TARDBP: variants seen among roughly 807,000 people sequenced by gnomAD.
TARDBP encodes TAR DNA-binding protein 43.
A neutral mutation model predicts 38.3 loss-of-function variants in TARDBP; 4 were observed. That is an observed-to-expected ratio of 0.10 (90% CI 0.05 to 0.24). TARDBP has a LOEUF of 0.24. TARDBP is among the 10% of genes least tolerant of loss of function. TARDBP has a pLI of 1.00. For synonymous variants in TARDBP, 184 were observed against 183.8 expected (o/e 1.00, Z -0.01); for missense variants, 202 against 521.9 (o/e 0.39, Z 5.97).
At chr1:11,029,682 C>G (rs960530188), downstream of TARDBP, 2 of 107,700 alleles carry the variant, frequency 1.9e-5, no homozygotes, top group African/African-American at 3.4e-5. Context: ...ACTACTGTTG[C>G]CCAGGCTAGA....
chr1:11,012,843 G>A, intron 1 of TARDBP, 100 bp downstream of exon 1: 1 of 152,330 alleles, frequency 6.6e-6, no homozygotes, highest in East Asian at 1.9e-4. Flanking sequence ...CCTGCCCCGG[G>A]AAGTCAGCCG....
Position 11,015,941 on chromosome 1 carries a change from GTTTA to G in TARDBP, c.239-895_239-892del, listed in dbSNP as rs199876341. Among the ~76,000 whole-genome samples, 723 of 147,894 alleles carry G rather than the reference GTTTA, an allele frequency of 4.9e-3. 4 individuals are homozygous for G. The highest frequency in any genetic ancestry group is 8.1e-3 in the Non-Finnish European group (541 of 66,870). On this transcript the variant is annotated intron_variant, in intron 2 of 5. Transcript: ENST00000240185. ...TATTTTTATTTATTTATTTTTATTT[GTTTA>G]TTTATTTTTTAGACGAAGTCTCGCC...
intron 3 of TARDBP, 136 bp from the exon 4 acceptor site, chr1:11,018,597 A>T: frequency 8.5e-7 from 1 of 1,180,902 alleles, no homozygotes; most frequent in Non-Finnish European, 1.3e-6. Flanking sequence ...TTTTACTGTT[A>T]AGACTAACTT....
At chr1:11,025,839 T>G (rs1015405457), downstream of TARDBP, 9 of 154,838 alleles carry the variant, frequency 5.8e-5, no homozygotes, top group Admixed American at 5.2e-4. Flanking sequence ...TACTCCGTAA[T>G]CCAAGAGATA....
At chr1:11,025,595 G>T (rs113456024), downstream of TARDBP, 1 of 151,824 alleles carries the variant, frequency 6.6e-6, no homozygotes, top group East Asian at 1.9e-4. Flanking sequence ...AAAGAAAAAA[G>T]AAAATAATAA....
At position 11,022,683 on chromosome 1, in the gene TARDBP, A is replaced by G; in HGVS notation, c.*29A>G. Reference sequence around the variant, plus strand: ...GTGGGGTTGTGGTTGGTTGGTATAGAATGGTGGGAATTCAAATTTTTCTAA... The same window carrying G: ...GTGGGGTTGTGGTTGGTTGGTATAGGATGGTGGGAATTCAAATTTTTCTAA... On this transcript the variant is annotated 3_prime_UTR_variant, in exon 6 of 6. Coordinates refer to ENST00000240185, the MANE Select transcript of TARDBP (RefSeq NM_007375.4). The surrounding 1 kb of genome is among the most constrained non-coding windows in gnomAD (Gnocchi z 4.5). The G allele has an allele frequency of 6.3e-7, 1 of 1,595,040 alleles. No individual in the cohort carries two copies. The highest frequency in any genetic ancestry group is 8.5e-7 in the Non-Finnish European group (1 of 1,172,038).
At chr1:11,028,219 A>G (rs1248339205), downstream of TARDBP, among the ~76,000 whole-genome samples, 1 of 150,122 alleles carries the variant, frequency 6.7e-6, no homozygotes, top group Non-Finnish European at 1.5e-5. Context: ...CTCCATCTCA[A>G]AAAAAAAAGG....
chr1:11,018,623 C>G, intron 3 of TARDBP, 110 bp from the exon 4 acceptor site: 1 of 1,489,024 alleles, frequency 6.7e-7, no homozygotes, highest in South Asian at 1.1e-5. Flanking sequence ...AAGTTTTAAG[C>G]CACTGCATCC....
In TARDBP at chr1:11,023,529, G is replaced by T; in HGVS notation, c.*875G>T. 1 of 458,012 alleles carries T rather than the reference G, an allele frequency of 2.2e-6. No homozygotes were observed. The highest frequency in any genetic ancestry group is 3.9e-6 in the Non-Finnish European group (1 of 258,826). 28.4% of individuals were successfully genotyped at this position (458,012 alleles called of 1,614,324 possible). On this transcript the variant is annotated 3_prime_UTR_variant, in exon 6 of 6. Transcript: ENST00000240185. ...GTGCAGAGACTTGGTGGTGCATAAT[G>T]GATATTTTTTAACTTGGCGAGATGT...
In TARDBP at chr1:11,020,304, A is replaced by G. The variant is rs139855393; in HGVS notation, c.544-125A>G. The G allele has an allele frequency of 7.9e-4, 859 of 1,088,198 alleles. 1 individual carries two copies. Among genetic ancestry groups the G allele is most frequent in the African/African-American group, 4.7e-3 (301 of 64,074 alleles). 67.4% of individuals were successfully genotyped at this position (1,088,198 alleles called of 1,614,324 possible). A position where few individuals can be genotyped will look rare whatever the true frequency, so the allele number is the denominator to read the frequency against. On this transcript the variant is annotated intron_variant, in intron 4 of 5. Coordinates refer to ENST00000240185, the MANE Select transcript of TARDBP (RefSeq NM_007375.4). ...AATGCTGATGGAAAAAATTAAGGGT[A>G]CGTCTACTTTTTAATGGTTCACTGC...
chr1:11,013,432 C>T (rs1014306403), intron 1 of TARDBP, among the ~76,000 whole-genome samples: 5 of 105,282 alleles, frequency 4.7e-5, no homozygotes, highest in Admixed American at 1.1e-4. Flanking sequence ...AGCTTGTAAC[C>T]AGCAAGCCAC....
At chr1:11,015,978 C>T (rs181906657) in intron 2 of TARDBP, 2 of 151,996 alleles carry the variant, frequency 1.3e-5, no homozygotes, top group Non-Finnish European at 2.9e-5. Flanking sequence ...GCCCTTGTCG[C>T]CCAGGCTGGA....
Position 11,022,204 on chromosome 1 carries a change from T to C in TARDBP, c.795T>C (p.Asn265=), listed in dbSNP as rs1248683732. The C allele has an allele frequency of 2.5e-6, 4 of 1,613,930 alleles. No individual in the cohort carries two copies. Among genetic ancestry groups the C allele is most frequent in the Non-Finnish European group, 2.5e-6 (3 of 1,179,864 alleles). The change falls in exon 6 of 6, where the codon AAT becomes AAC. Residue 265 remains asparagine, a synonymous_variant. Transcript: ENST00000240185. This position sits in a 1 kb window ranked among gnomAD's most constrained non-coding sequence, Gnocchi z 4.5. ...TATCCAATGCCGAACCTAAGCACAA[T>C]AGCAATAGACAGTTAGAAAGAAGTG... ...VHISNAEPKH[N]SNRQLERSGR...
intron 3 of TARDBP, among the ~76,000 whole-genome samples, chr1:11,017,617 T>A (rs1475802425): frequency 6.6e-6 from 1 of 152,214 alleles, no homozygotes; most frequent in East Asian, 1.9e-4. Flanking sequence ...TATTGTAAAA[T>A]CCTACTGTTG....
downstream of TARDBP, among the ~76,000 whole-genome samples, chr1:11,029,045 T>G (rs111811173): frequency 0.038 from 5,602 of 148,606 alleles, 354 homozygotes; most frequent in African/African-American, 0.13. Context: ...CAGGCTGGAG[T>G]GCAGTGGCGC....
In TARDBP at chr1:11,024,267, A is replaced by G. The variant is rs1051369076; in HGVS notation, c.*1613A>G. The G allele has an allele frequency of 2.0e-5, 3 of 152,456 alleles. No homozygotes were observed. The highest frequency in any genetic ancestry group is 4.4e-5 in the Non-Finnish European group (3 of 68,024). The allele number at this position is 152,456 out of a possible 1,614,324, so 9.4% of individuals were successfully genotyped here. A position where few individuals can be genotyped will look rare whatever the true frequency, so the allele number is the denominator to read the frequency against. On this transcript the variant is annotated 3_prime_UTR_variant, in exon 6 of 6. Coordinates refer to ENST00000240185, the MANE Select transcript of TARDBP (RefSeq NM_007375.4). Reference sequence around the variant, plus strand: ...ATTGGTATTTGTTCTTGCATTGGCCAAAGTGAAAATTTTTTTTTTTCTTTT... The same window carrying G: ...ATTGGTATTTGTTCTTGCATTGGCCGAAGTGAAAATTTTTTTTTTTCTTTT...
downstream of TARDBP, chr1:11,030,391 C>T (rs1643824109): frequency 1.6e-6 from 1 of 627,192 alleles, no homozygotes; most frequent in Middle Eastern, 2.7e-4. Flanking sequence ...TACATGATTT[C>T]ATAAATAGGA....
intron 3 of TARDBP, 158 bp from the exon 4 acceptor site, chr1:11,018,575 T>A (rs1354324364): frequency 1.1e-6 from 1 of 921,556 alleles, no homozygotes; most frequent in Non-Finnish European, 1.7e-6. Flanking sequence ...GATTCAATAT[T>A]AACCTCCTTG....
intron 5 of TARDBP, among the ~76,000 whole-genome samples, chr1:11,021,559 T>C (rs982874134): frequency 3.9e-5 from 6 of 152,180 alleles, no homozygotes; most frequent in African/African-American, 1.4e-4. Flanking sequence ...ATTACAGGCG[T>C]GAGCCACTGC....
Sources: allele counts gnomAD v4.1 joint callset (sites outside exome capture counted in the v4.1 genomes callset), GRCh38; gene constraint gnomAD v4.1.1; non-coding constraint Gnocchi (gnomAD v3.1); transcripts MANE v1.5; gene names NCBI Gene and HGNC (gene_info 2026-07-23, HGNC 2026-07-21).